Variants in KCNE3 observed in about 807,000 individuals in gnomAD.
The protein encoded by KCNE3 is potassium voltage-gated channel subfamily E member 3.
In KCNE3, 2 loss-of-function variants were observed where a neutral mutation model predicts 4.3. That is an observed-to-expected ratio of 0.47 (90% CI 0.19 to 1.48). The LOEUF is 1.48. Ranked by LOEUF, KCNE3 falls within the 40% of genes most tolerant of loss-of-function variation. The probability of loss-of-function intolerance (pLI) is 0.25; values close to 1 mark genes in which losing one functional copy is unlikely to be tolerated. For synonymous variants in KCNE3, 47 were observed against 52.0 expected (o/e 0.90, Z 0.41); for missense variants, 128 against 136.8 (o/e 0.94, Z 0.32).
chr11:74,459,259 A>ATTTTTTT (rs35194568), intron 2 of KCNE3, among the ~76,000 whole-genome samples: 2 of 117,572 alleles, frequency 1.7e-5, no homozygotes, highest in South Asian at 2.8e-4. Flanking sequence ...TATAGAAAAC[A>ATTTTTTT]TTTTTTTTTT....
chr11:74,457,701 T>A, intron 2 of KCNE3, 98 bp from the exon 3 acceptor site: 1 of 800,034 alleles, frequency 1.2e-6, no homozygotes, highest in Non-Finnish European at 2.1e-6. Context: ...GCATCATGGC[T>A]GATATGGTTT....
chr11:74,466,332 A>G (rs1432036950), intron 1 of KCNE3, among the ~76,000 whole-genome samples: 2 of 152,202 alleles, frequency 1.3e-5, no homozygotes, highest in African/African-American at 4.8e-5. Context: ...TGAGTGAGGG[A>G]TGGAGAAGGT....
chr11:74,460,765 G>C (rs1177395109), intron 2 of KCNE3, among the ~76,000 whole-genome samples: 1 of 152,160 alleles, frequency 6.6e-6, no homozygotes, highest in East Asian at 1.9e-4. Context: ...CTGTAGCTAG[G>C]GAAAAGCCAT....
chr11:74,456,590 G>A lies in KCNE3; in HGVS notation c.*662C>T, dbSNP rs1863822479. On this transcript the variant is annotated 3_prime_UTR_variant, in exon 3 of 3. Coordinates refer to ENST00000310128, the MANE Select transcript of KCNE3 (RefSeq NM_005472.5). ...TAATGTGGCAGTATATTTTCATAAT[G>A]TTTGCAAAAGTAAGATATTTTAGAA... 1 of 152,804 alleles carries A rather than the reference G, an allele frequency of 6.5e-6. No homozygotes were observed. The highest frequency in any genetic ancestry group is 1.5e-5 in the Non-Finnish European group (1 of 68,542). The allele number at this position is 152,804 out of a possible 1,614,324, so 9.5% of individuals were successfully genotyped here.
intron 2 of KCNE3, among the ~76,000 whole-genome samples, chr11:74,460,097 A>G (rs17532): frequency 0.3 from 45,225 of 152,192 alleles, 6,927 homozygotes; most frequent in Admixed American, 0.37. Flanking sequence ...CAATGGCTCT[A>G]TGAACACAAT....
At chr11:74,466,454 A>G (rs1223768670) in intron 1 of KCNE3, among the ~76,000 whole-genome samples, 1 of 152,196 alleles carries the variant, frequency 6.6e-6, no homozygotes, top group African/African-American at 2.4e-5. Flanking sequence ...GGAAATAAGG[A>G]GGAGCTCACA....
intron 2 of KCNE3, among the ~76,000 whole-genome samples, chr11:74,458,176 T>C (rs1341529624): frequency 6.6e-6 from 1 of 152,260 alleles, no homozygotes; most frequent in Non-Finnish European, 1.5e-5. Flanking sequence ...CAATCACTTA[T>C]GACAGCATTC....
chr11:74,465,102 CTGTGTGTG>C (rs143869592), intron 1 of KCNE3, among the ~76,000 whole-genome samples: 2 of 150,048 alleles, frequency 1.3e-5, no homozygotes, highest in Non-Finnish European at 3.0e-5. Flanking sequence ...TACTGAAACT[CTGTGTGTG>C]TGTGTGTGTG....
chr11:74,462,855 T>C (rs1282243118), intron 1 of KCNE3: 1 of 152,204 alleles, frequency 6.6e-6, no homozygotes, highest in Non-Finnish European at 1.5e-5. Context: ...TCTGTCCGCA[T>C]CTGTAAAATG....
intron 2 of KCNE3, among the ~76,000 whole-genome samples, chr11:74,461,215 G>C (rs1863944779): frequency 1.3e-5 from 2 of 152,100 alleles, no homozygotes; most frequent in South Asian, 4.1e-4. Flanking sequence ...CTGGGGATCT[G>C]CTGCACAACA....
intron 2 of KCNE3, among the ~76,000 whole-genome samples, chr11:74,461,423 G>A (rs149279467): frequency 1.3e-5 from 2 of 151,958 alleles, no homozygotes; most frequent in African/African-American, 4.8e-5. Context: ...CTGAGGTCAG[G>A]AGTTCGAGAC....
rs1863964521 is a variant in KCNE3, at chr11:74,461,995, G to A, written c.-81C>T. On this transcript the variant is annotated 5_prime_UTR_variant, in exon 2 of 3. Coordinates refer to ENST00000310128, the MANE Select transcript of KCNE3 (RefSeq NM_005472.5). ...TCCACTGGCTCTCAGTCAGTTTCAG[G>A]AGTCCCTTTGTGGACACACTAAGGC... 1 of 152,182 alleles carries A rather than the reference G, an allele frequency of 6.6e-6. No homozygotes were observed. The highest frequency in any genetic ancestry group is 2.4e-5 in the African/African-American group (1 of 41,406). The allele number at this position is 152,182 out of a possible 1,614,324, so 9.4% of individuals were successfully genotyped here. A position where few individuals can be genotyped will look rare whatever the true frequency, so the allele number is the denominator to read the frequency against.
chr11:74,460,147 G>C (rs755807851), intron 2 of KCNE3, among the ~76,000 whole-genome samples: 32 of 152,280 alleles, frequency 2.1e-4, no homozygotes, highest in Middle Eastern at 6.8e-3. Context: ...GGCCTTTGGG[G>C]CCTTCTGACA....
Position 74,457,477 on chromosome 11 carries a change from C to A in KCNE3, c.87G>T (p.Leu29Phe). ...KALNATLHSNLLCRPGPGLGP... is the reference protein window; with the variant it reads ...KALNATLHSNFLCRPGPGLGP... ...CCAGCCCTGGCCCTGGCCGGCAGAGCAAATTGCTGTGAAGAGTGGCATTTA... is the reference window on the plus strand; with the variant it reads ...CCAGCCCTGGCCCTGGCCGGCAGAGAAAATTGCTGTGAAGAGTGGCATTTA... Residue 29 changes from leucine to phenylalanine, a missense_variant, in exon 3 of 3, where the codon TTG becomes TTT. Leu to Phe is a conservative substitution (Grantham distance 22). Transcript: ENST00000310128. 1 of 1,614,194 alleles carries A rather than the reference C, an allele frequency of 6.2e-7. No homozygotes were observed. Among genetic ancestry groups the A allele is most frequent in the African/African-American group, 1.3e-5 (1 of 75,056 alleles).
chr11:74,455,595 C>G lies in KCNE3; in HGVS notation c.*1657G>C, dbSNP rs181056559. Reference sequence around the variant, plus strand: ...ACGGATGAGGGAGAGAAGTGTCCAGCCTAAGATCATACATCACCTTAAGTG... The same window carrying G: ...ACGGATGAGGGAGAGAAGTGTCCAGGCTAAGATCATACATCACCTTAAGTG... On this transcript the variant is annotated 3_prime_UTR_variant, in exon 3 of 3. Coordinates refer to ENST00000310128, the MANE Select transcript of KCNE3 (RefSeq NM_005472.5). The G allele has an allele frequency of 1.2e-3, 179 of 152,264 alleles. 1 individual carries two copies. Among genetic ancestry groups the G allele is most frequent in the African/African-American group, 3.9e-3 (162 of 41,564 alleles). 9.4% of individuals were successfully genotyped at this position (152,264 alleles called of 1,614,324 possible).
Position 74,456,149 on chromosome 11 carries a change from T to A in KCNE3, c.*1103A>T, listed in dbSNP as rs1863805724. 1.5e-5 allele frequency: 1 copy of A among 68,488 alleles called. No individual in the cohort carries two copies. The highest frequency in any genetic ancestry group is 2.7e-5 in the Non-Finnish European group (1 of 36,676). 4.2% of individuals were successfully genotyped at this position (68,488 alleles called of 1,614,324 possible). On this transcript the variant is annotated 3_prime_UTR_variant, in exon 3 of 3. Coordinates refer to ENST00000310128, the MANE Select transcript of KCNE3 (RefSeq NM_005472.5). ...TGGGCAACATGTGAAACCCTGTCTC[T>A]ACTTAAATATATATATATATATATA...
intron 1 of KCNE3, among the ~76,000 whole-genome samples, chr11:74,465,102 CTGTGTGTGTGTG>C (rs143869592): frequency 3.3e-5 from 5 of 150,048 alleles, no homozygotes; most frequent in African/African-American, 9.8e-5. Context: ...TACTGAAACT[CTGTGTGTGTGTG>C]TGTGTGTGTG....
intron 2 of KCNE3, 91 bp from the exon 3 acceptor site, chr11:74,457,694 T>A (rs1324835936): frequency 1.1e-5 from 9 of 829,998 alleles, no homozygotes; most frequent in Non-Finnish European, 1.4e-5. Context: ...AATCTTAGCA[T>A]CATGGCTGAT....
Position 74,457,528 on chromosome 11 carries a change from C to T in KCNE3, c.36G>A (p.Glu12=). The T allele has an allele frequency of 1.9e-6, 3 of 1,614,192 alleles. No homozygotes were observed. The highest frequency in any genetic ancestry group is 2.5e-6 in the Non-Finnish European group (3 of 1,180,044). ...ETTNGTETWY[E]SLHAVLKALN... is the part of the protein sequence containing the mutation. ...GAGCCTTCAGCACGGCATGCAGGCT[C>T]TCATACCAGGTCTCCGTTCCATTGG... Residue 12 remains glutamate (E), a synonymous_variant, in exon 3 of 3, where the codon GAG becomes GAA. Transcript: ENST00000310128.
Sources: allele counts gnomAD v4.1 joint callset (sites outside exome capture counted in the v4.1 genomes callset), GRCh38; gene constraint gnomAD v4.1.1; transcripts MANE v1.5; gene names NCBI Gene and HGNC (gene_info 2026-07-23, HGNC 2026-07-21).